COXFA4: variants seen among roughly 807,000 people sequenced by gnomAD.
COXFA4 encodes cytochrome c oxidase subunit FA4.
the COXFA4 span, chr7:10,939,805 C>A: frequency 1.5e-6 from 1 of 672,692 alleles, no homozygotes; most frequent in East Asian, 2.6e-5. Flanking sequence ...GTGTCCGTCT[C>A]CTTCCTCCTG....
At chr7:10,935,774 C>G in the COXFA4 span, among the ~76,000 whole-genome samples, 1 of 152,212 alleles carries the variant, frequency 6.6e-6, no homozygotes, top group Non-Finnish European at 1.5e-5. Context: ...GCCACCTGGT[C>G]TACAGTATCT....
At chr7:10,933,585 G>T in the COXFA4 span, 1 of 1,441,752 alleles carries the variant, frequency 6.9e-7, no homozygotes, top group Non-Finnish European at 9.7e-7. Flanking sequence ...GTGCGGATGT[G>T]GCTTCTGGAA....
At chr7:10,933,486 T>C in the COXFA4 span, 254 of 612,844 alleles carry the variant, frequency 4.1e-4, 2 homozygotes, top group African/African-American at 4.2e-3. Context: ...GATTTAATCA[T>C]TGTAATCTCC....
chr7:10,934,690 T>C, the COXFA4 span, among the ~76,000 whole-genome samples: 1 of 152,188 alleles, frequency 6.6e-6, no homozygotes, highest in Non-Finnish European at 1.5e-5. Context: ...TCTTCAAATA[T>C]ACCCGAACTT....
the COXFA4 span, chr7:10,939,897 G>T: frequency 2.7e-6 from 3 of 1,114,610 alleles, no homozygotes; most frequent in Non-Finnish European, 4.1e-6. Context: ...GGCGAGGCAG[G>T]GTCTGGTCTG....
At chr7:10,939,711 G>C in the COXFA4 span, 1 of 456,202 alleles carries the variant, frequency 2.2e-6, no homozygotes, top group Admixed American at 3.4e-5. Flanking sequence ...ATCCCTCCTG[G>C]ACCGCACAAC....
the COXFA4 span, among the ~76,000 whole-genome samples, chr7:10,935,136 A>G: frequency 2.0e-5 from 3 of 152,330 alleles, no homozygotes; most frequent in Admixed American, 2.0e-4. Context: ...TGCAGGATCA[A>G]GGCCCTACAC....
At chr7:10,933,933 A>C in the COXFA4 span, among the ~76,000 whole-genome samples, 1 of 152,210 alleles carries the variant, frequency 6.6e-6, no homozygotes, top group Admixed American at 6.5e-5. Flanking sequence ...ATTATAGTAC[A>C]GTCTACTACT....
chr7:10,938,902 C>T, the COXFA4 span: 1 of 1,606,742 alleles, frequency 6.2e-7, no homozygotes, highest in South Asian at 1.1e-5. Context: ...ATCAACTAAA[C>T]CAAACACAAA....
At chr7:10,938,674 T>C in the COXFA4 span, 2 of 670,760 alleles carry the variant, frequency 3.0e-6, no homozygotes, top group South Asian at 3.4e-5. Context: ...ACAGCAGATT[T>C]GAGATCTGAA....
the COXFA4 span, chr7:10,940,037 A>G: frequency 1.2e-6 from 2 of 1,613,810 alleles, no homozygotes; most frequent in Non-Finnish European, 1.7e-6. Context: ...TCTTGGCCTG[A>G]CCGATGATCT....
chr7:10,940,084 A>G, the COXFA4 span: 12 of 1,612,758 alleles, frequency 7.4e-6, no homozygotes, highest in Non-Finnish European at 1.0e-5. Context: ...TCCGACTGGA[A>G]AGGAGAGAAC....
the COXFA4 span, among the ~76,000 whole-genome samples, chr7:10,936,946 G>C: frequency 2.0e-5 from 3 of 152,126 alleles, no homozygotes; most frequent in Non-Finnish European, 4.4e-5. Context: ...TGAGGCAAGA[G>C]AATCACTTGA....
chr7:10,936,610 A>G, the COXFA4 span, among the ~76,000 whole-genome samples: 3 of 152,236 alleles, frequency 2.0e-5, no homozygotes, highest in Non-Finnish European at 4.4e-5. Flanking sequence ...TATAACACAG[A>G]TGAGATCGAT....
chr7:10,938,440 G>C, the COXFA4 span: 28 of 446,582 alleles, frequency 6.3e-5, no homozygotes, highest in African/African-American at 9.8e-5. Flanking sequence ...GAATAATGAT[G>C]AATCAATCTT....
the COXFA4 span, among the ~76,000 whole-genome samples, chr7:10,937,634 C>CAT: frequency 6.6e-6 from 1 of 152,048 alleles, no homozygotes; most frequent in Non-Finnish European, 1.5e-5. Flanking sequence ...ATTTTTTACA[C>CAT]ATAAGGAAGG....
At chr7:10,939,193 C>T in the COXFA4 span, 3 of 319,392 alleles carry the variant, frequency 9.4e-6, no homozygotes, top group Non-Finnish European at 6.0e-6. Context: ...TGTATCGAGT[C>T]TTCTTCACCT....
chr7:10,934,207 TTC>T, the COXFA4 span, among the ~76,000 whole-genome samples: 3 of 152,058 alleles, frequency 2.0e-5, no homozygotes, highest in South Asian at 6.2e-4. Flanking sequence ...CTAAGATATT[TTC>T]TCTCTCTCAC....
At chr7:10,939,833 A>T in the COXFA4 span, 1 of 747,328 alleles carries the variant, frequency 1.3e-6, no homozygotes, top group Non-Finnish European at 2.4e-6. Context: ...AAACCCCACA[A>T]TGCATGGCGT....
Sources: allele counts gnomAD v4.1 joint callset (sites outside exome capture counted in the v4.1 genomes callset), GRCh38; gene constraint gnomAD v4.1.1; transcripts MANE v1.5; gene names NCBI Gene and HGNC (gene_info 2026-07-23, HGNC 2026-07-21).